Variants in DNAAF11 observed in about 807,000 individuals in gnomAD.
DNAAF11 encodes the protein leucine rich repeat containing 6.
In DNAAF11, 45 loss-of-function variants were observed where a neutral mutation model predicts 60.8. The ratio of observed to expected loss-of-function variants is 0.74; its 90% CI spans 0.58 to 0.95. The LOEUF is 0.95. Ranked by LOEUF, DNAAF11 falls within the 40% of genes least tolerant of loss-of-function variation. DNAAF11 has a pLI of 0.00. For synonymous variants in DNAAF11, 191 were observed against 183.5 expected (o/e 1.04, Z -0.33); for missense variants, 546 against 546.2 (o/e 1.00, Z 0.00).
chr8:132,595,348 G>GAAAAA (rs71306394), intron 10 of DNAAF11, among the ~76,000 whole-genome samples: 4 of 57,412 alleles, frequency 7.0e-5, no homozygotes, highest in African/African-American at 3.4e-4. Flanking sequence ...AGACAGAGGG[G>GAAAAA]AAAAAAAAAA....
intron 10 of DNAAF11, among the ~76,000 whole-genome samples, chr8:132,600,561 G>A (rs1817505393): frequency 6.6e-6 from 1 of 152,114 alleles, no homozygotes; most frequent in African/African-American, 2.4e-5. Context: ...GCATGGTGCT[G>A]GTACCAAAAC....
chr8:132,595,807 A>G (rs758997741), intron 10 of DNAAF11, among the ~76,000 whole-genome samples: 1 of 152,202 alleles, frequency 6.6e-6, no homozygotes, highest in South Asian at 2.1e-4. Context: ...TGGCTTCTCT[A>G]TGGAGAAAGT....
intron 2 of DNAAF11, among the ~76,000 whole-genome samples, chr8:132,657,451 T>C (rs1274977383): frequency 1.3e-5 from 2 of 152,206 alleles, no homozygotes; most frequent in Non-Finnish European, 2.9e-5. Context: ...TGAGAGCTGG[T>C]AGAGCAGAGA....
chr8:132,631,111 ATATT>A (rs2130429733), intron 5 of DNAAF11, among the ~76,000 whole-genome samples: 1 of 152,330 alleles, frequency 6.6e-6, no homozygotes, highest in South Asian at 2.1e-4. Context: ...GATTCAATAA[ATATT>A]TATTGGGCAT....
intron 3 of DNAAF11, among the ~76,000 whole-genome samples, chr8:132,646,564 C>T (rs929921123): frequency 6.6e-6 from 1 of 152,072 alleles, no homozygotes; most frequent in East Asian, 1.9e-4. Context: ...GAGTCAAGAC[C>T]CATCAGTGTG....
chr8:132,593,568 A>G (rs905068207), intron 10 of DNAAF11, among the ~76,000 whole-genome samples: 1 of 151,420 alleles, frequency 6.6e-6, no homozygotes, highest in Non-Finnish European at 1.5e-5. Flanking sequence ...AAAATTGATA[A>G]GCTGATTCCT....
At chr8:132,671,008 A>G (rs995008231) in intron 1 of DNAAF11, among the ~76,000 whole-genome samples, 4 of 152,160 alleles carry the variant, frequency 2.6e-5, no homozygotes, top group Non-Finnish European at 1.5e-5. Flanking sequence ...TCGAGCAGAG[A>G]AAGACTCTTC....
At chr8:132,699,659 C>A in the DNAAF11 span, among the ~76,000 whole-genome samples, 1 of 151,922 alleles carries the variant, frequency 6.6e-6, no homozygotes, top group Non-Finnish European at 1.5e-5. Flanking sequence ...CACTTCACAA[C>A]CATTTACAAT....
chr8:132,572,457 T>A lies in DNAAF11; in HGVS notation c.1250A>T (p.Glu417Val). ...NTRSKHMEKL[E>V]VDPSKHSFPD... is the part of the protein sequence containing the mutation. ...GAATGAGTGCTTGCTAGGGTCTACT[T>A]CTAGTTTCTCCATGTGCTTGCTTCT... Residue 417 changes from glutamate to valine, a missense_variant, in exon 12 of 12, where the codon GAA (glutamate) becomes GTA (valine). Physicochemically the swap from Glu to Val is moderately radical, Grantham distance 121 (BLOSUM62 -2). Transcript: ENST00000620350. The A allele has an allele frequency of 6.2e-7, 1 of 1,604,316 alleles. No individual in the cohort carries two copies. Among genetic ancestry groups the A allele is most frequent in the South Asian group, 1.1e-5 (1 of 88,968 alleles).
chr8:132,628,985 A>C (rs1820542647), intron 5 of DNAAF11, among the ~76,000 whole-genome samples: 4 of 152,260 alleles, frequency 2.6e-5, no homozygotes. Context: ...ACTTATGAAC[A>C]CAGGTTCAAA....
intron 1 of DNAAF11, among the ~76,000 whole-genome samples, chr8:132,669,683 G>A (rs572481596): frequency 2.0e-5 from 3 of 152,214 alleles, no homozygotes; most frequent in East Asian, 1.9e-4. Context: ...TAGCAGTGAC[G>A]TCAGGTTCTG....
At chr8:132,602,430 A>G (rs1216170757) in intron 10 of DNAAF11, among the ~76,000 whole-genome samples, 4 of 152,068 alleles carry the variant, frequency 2.6e-5, no homozygotes, top group African/African-American at 9.7e-5. Context: ...CCACCAGGGA[A>G]GCTGGTTTAA....
intron 7 of DNAAF11, among the ~76,000 whole-genome samples, chr8:132,622,000 T>C (rs1017996778): frequency 6.6e-6 from 1 of 152,160 alleles, no homozygotes; most frequent in Non-Finnish European, 1.5e-5. Context: ...ATGAAGTGAA[T>C]GAGATTTAGT....
chr8:132,575,880 A>G (rs1032840065), intron 11 of DNAAF11, among the ~76,000 whole-genome samples: 3 of 152,116 alleles, frequency 2.0e-5, no homozygotes, highest in Non-Finnish European at 4.4e-5. Context: ...AAGTGAGGGA[A>G]GCTTGGATGG....
At chr8:132,596,044 C>T (rs914448341) in intron 10 of DNAAF11, among the ~76,000 whole-genome samples, 32 of 151,648 alleles carry the variant, frequency 2.1e-4, no homozygotes, top group African/African-American at 7.6e-4. Context: ...TTTTCTGAGA[C>T]AAGGATGACT....
At chr8:132,658,391 C>T (rs1233567314) in intron 2 of DNAAF11, among the ~76,000 whole-genome samples, 4 of 152,118 alleles carry the variant, frequency 2.6e-5, no homozygotes, top group Admixed American at 1.3e-4. Context: ...GGCCCAATCT[C>T]AGCTCACTGC....
chr8:132,657,136 C>T (rs1461168329), intron 2 of DNAAF11, among the ~76,000 whole-genome samples: 2 of 152,126 alleles, frequency 1.3e-5, no homozygotes, highest in East Asian at 3.9e-4. Context: ...CATGTCTTTA[C>T]CTAGCCCTAA....
intron 1 of DNAAF11, among the ~76,000 whole-genome samples, chr8:132,672,959 C>A (rs953332195): frequency 6.6e-6 from 1 of 152,140 alleles, no homozygotes; most frequent in Non-Finnish European, 1.5e-5. Flanking sequence ...CTAATGACAT[C>A]CCTGCGTCTT....
At chr8:132,688,487 C>T in the DNAAF11 span, among the ~76,000 whole-genome samples, 2 of 152,292 alleles carry the variant, frequency 1.3e-5, no homozygotes, top group African/African-American at 4.8e-5. Context: ...AACAATTCTG[C>T]CTTTCTTTAA....
Sources: allele counts gnomAD v4.1 joint callset (sites outside exome capture counted in the v4.1 genomes callset), GRCh38; gene constraint gnomAD v4.1.1; transcripts MANE v1.5; gene names NCBI Gene and HGNC (gene_info 2026-07-23, HGNC 2026-07-21).